Variants in CDKL5 observed in about 807,000 individuals in gnomAD.
The protein encoded by CDKL5 is cyclin dependent kinase like 5.
CDKL5 carries 8 observed loss-of-function variants against 61.7 expected under a neutral mutation model. The observed-to-expected ratio is 0.13, with a 90% CI of 0.08 to 0.23. The LOEUF (loss-of-function observed/expected upper bound fraction) is 0.23. Among genes scored for constraint, CDKL5 ranks in the 10% least tolerant of loss-of-function variants. CDKL5 has a pLI of 1.00. For synonymous variants in CDKL5, 275 were observed against 272.3 expected (o/e 1.01, Z -0.10); for missense variants, 440 against 734.5 (o/e 0.60, Z 4.63).
intron 9 of CDKL5, among the ~76,000 whole-genome samples, chrX:18,592,865 C>T (rs1328779404): frequency 8.9e-6 from 1 of 111,972 alleles, no homozygotes; most frequent in Non-Finnish European, 1.9e-5. Flanking sequence ...GGAAAATCTA[C>T]AAGATGTTGC....
At chrX:18,549,801 AGTGAAGGAAGCTTAT>A (rs745645836) in intron 3 of CDKL5, among the ~76,000 whole-genome samples, 87 of 111,650 alleles carry the variant, frequency 7.8e-4, no homozygotes, top group South Asian at 6.1e-3. Flanking sequence ...GTAAGCCAAA[AGTGAAGGAAGCTTAT>A]GCCCCATCCC....
At chrX:18,533,311 G>A (rs1923710932) in intron 3 of CDKL5, among the ~76,000 whole-genome samples, 1 of 111,336 alleles carries the variant, frequency 9.0e-6, no homozygotes, top group African/African-American at 3.3e-5. Context: ...AGTAAGGGCC[G>A]TAGAGTGGAA....
At chrX:18,522,385 C>T (rs1195672215) in intron 3 of CDKL5, among the ~76,000 whole-genome samples, 1 of 80,872 alleles carries the variant, frequency 1.2e-5, no homozygotes, top group African/African-American at 5.0e-5. Flanking sequence ...CGGTGTGTTG[C>T]CCGGGCTGGA....
chrX:18,441,634 GTGT>G (rs1159394163), intron 1 of CDKL5, among the ~76,000 whole-genome samples: 1 of 111,096 alleles, frequency 9.0e-6, no homozygotes, highest in Admixed American at 9.6e-5. Flanking sequence ...GAGTTTTTTT[GTGT>G]TGTTATGGTT....
At chrX:18,534,493 A>G (rs764167959) in intron 3 of CDKL5, among the ~76,000 whole-genome samples, 5 of 111,612 alleles carry the variant, frequency 4.5e-5, no homozygotes, top group Non-Finnish European at 7.5e-5. Flanking sequence ...ACTTTTAATT[A>G]TTGTTTCCCC....
At chrX:18,501,562 T>G (rs1922386283) in intron 1 of CDKL5, among the ~76,000 whole-genome samples, 1 of 111,180 alleles carries the variant, frequency 9.0e-6, no homozygotes, top group South Asian at 3.8e-4. Context: ...TTTTTTTTTA[T>G]TTTTTTGAGA....
chrX:18,523,330 T>A (rs1048932080), intron 3 of CDKL5, among the ~76,000 whole-genome samples: 4 of 111,398 alleles, frequency 3.6e-5, no homozygotes, highest in African/African-American at 9.8e-5. Flanking sequence ...TTTCTGTCTC[T>A]GTGATTTTTG....
intron 1 of CDKL5, among the ~76,000 whole-genome samples, chrX:18,443,345 GTAAATTTTTTTTAACTTTT>G (rs1931797350): frequency 9.0e-6 from 1 of 111,560 alleles, no homozygotes; most frequent in Admixed American, 9.6e-5. Context: ...TGACAAATTT[GTAAATTTTTTTTAACTTTT>G]AAGTTTGGGG....
At chrX:18,514,568 G>A (rs902827836) in intron 3 of CDKL5, among the ~76,000 whole-genome samples, 10 of 108,917 alleles carry the variant, frequency 9.2e-5, no homozygotes, top group East Asian at 2.9e-4. Flanking sequence ...TTAGCCGGGC[G>A]TGGGGGCGCA....
At chrX:18,451,110 A>G (rs1932003875) in intron 1 of CDKL5, among the ~76,000 whole-genome samples, 1 of 111,830 alleles carries the variant, frequency 8.9e-6, no homozygotes, top group Non-Finnish European at 1.9e-5. Flanking sequence ...CTTGGTAGGT[A>G]TAGAGTAAAT....
At position 18,650,547 on chromosome X, in the gene CDKL5, C is replaced by A. The variant is rs775114662; in HGVS notation, c.2935C>A (p.Gln979Lys). Residue 979 changes from glutamine (Q) to lysine (K), a missense_variant, in exon 21 of 22, where the codon CAG becomes AAG. Physicochemically the swap from Gln to Lys is moderately conservative, Grantham distance 53. Coordinates refer to the CDKL5 transcript ENST00000379989. ...AGGCACTTCCATGTGCCCGACACTC[C>A]AGGTCCGAGGCACTGATGCTTTCAG... 1 of 1,212,283 alleles carries A rather than the reference C, an allele frequency of 8.2e-7. No individual in the cohort carries two copies. The highest frequency in any genetic ancestry group is 1.7e-5 in the African/African-American group (1 of 57,959).
At chrX:18,591,587 A>G (rs746793194) in intron 9 of CDKL5, among the ~76,000 whole-genome samples, 1 of 111,666 alleles carries the variant, frequency 9.0e-6, no homozygotes, top group Non-Finnish European at 1.9e-5. Context: ...GGTTACTGAT[A>G]AAGTTTAAAC....
intron 3 of CDKL5, among the ~76,000 whole-genome samples, chrX:18,552,230 T>A (rs1602256285): frequency 1.1e-5 from 1 of 92,499 alleles, no homozygotes; most frequent in African/African-American, 4.2e-5. Flanking sequence ...AGAGTGAGAC[T>A]CCGTCTCAAA....
intron 12 of CDKL5, among the ~76,000 whole-genome samples, chrX:18,606,009 C>G (rs1378716737): frequency 8.9e-6 from 1 of 111,864 alleles, no homozygotes; most frequent in Non-Finnish European, 1.9e-5. Context: ...TGGTGAAACC[C>G]CGTCTCTACT....
At chrX:18,628,242 C>G in intron 17 of CDKL5, 129 bp from the exon 18 acceptor site, 6 of 626,631 alleles carry the variant, frequency 9.6e-6, no homozygotes, top group Non-Finnish European at 1.4e-5. Flanking sequence ...ATGGCTGGAC[C>G]GGCTCCTCCT....
intron 6 of CDKL5, among the ~76,000 whole-genome samples, chrX:18,580,319 A>G (rs911456854): frequency 1.8e-5 from 2 of 111,863 alleles, no homozygotes; most frequent in African/African-American, 6.5e-5. Flanking sequence ...GTTGATCTCT[A>G]TAGCCTTGGT....
chrX:18,512,204 C>T (rs987755358), intron 3 of CDKL5, among the ~76,000 whole-genome samples: 1 of 111,708 alleles, frequency 9.0e-6, no homozygotes, highest in Non-Finnish European at 1.9e-5. Flanking sequence ...CATACCTAGT[C>T]TGAGTATTTG....
intron 1 of CDKL5, among the ~76,000 whole-genome samples, chrX:18,498,761 T>C (rs1386409420): frequency 8.9e-6 from 1 of 112,282 alleles, no homozygotes; most frequent in East Asian, 2.8e-4. Flanking sequence ...ACCATCCTTT[T>C]ACTTCAGTCC....
chrX:18,513,448 T>C (rs1328205050), intron 3 of CDKL5, among the ~76,000 whole-genome samples: 2 of 110,401 alleles, frequency 1.8e-5, no homozygotes, highest in African/African-American at 6.6e-5. Flanking sequence ...TGCCTTTATA[T>C]GGCTTATGGT....
Sources: gnomAD v4.1 joint callset for allele counts (sites outside exome capture counted in the v4.1 genomes callset) on GRCh38, gnomAD v4.1.1 for gene constraint, MANE v1.5 for transcripts, NCBI Gene and HGNC (gene_info 2026-07-23, HGNC 2026-07-21) for gene names.